The following FOXN2 variants were observed in gnomAD, a reference collection of about 807,000 sequenced individuals.
FOXN2 encodes forkhead box N2.
Under a neutral mutation model 41.2 loss-of-function variants are expected in FOXN2, and 19 were observed. The observed-to-expected ratio is 0.46, with a 90% CI of 0.32 to 0.68. FOXN2 has a LOEUF of 0.68. Among genes scored for constraint, FOXN2 ranks in the 30% least tolerant of loss-of-function variants. The probability of loss-of-function intolerance (pLI) is 0.03; values close to 1 mark genes in which losing one functional copy is unlikely to be tolerated. For synonymous variants in FOXN2, 195 were observed against 176.8 expected (o/e 1.10, Z -0.82); for missense variants, 587 against 509.4 (o/e 1.15, Z -1.47).
At position 48,346,284 on chromosome 2, in the gene FOXN2, T is replaced by A; in HGVS notation, c.70T>A (p.Leu24Ile). 6.2e-7 allele frequency: 1 copy of A among 1,614,182 alleles called. No individual in the cohort carries two copies. Among genetic ancestry groups the A allele is most frequent in the Non-Finnish European group, 8.5e-7 (1 of 1,180,024 alleles). ...CCCAGGAGCTGAAAAGATTGCAGGA[T>A]TAAGCCAGATTTACAAAATGGGAAG... is the stretch of plus-strand genomic sequence containing the variant. ...ETPGAEKIAG[L>I]SQIYKMGSLP... Residue 24 changes from leucine to isoleucine, a missense_variant, in exon 3 of 7, where the codon TTA becomes ATA. Coordinates refer to ENST00000340553, the MANE Select transcript of FOXN2 (RefSeq NM_002158.4).
chr2:48,334,793 A>G (rs75233442), intron 2 of FOXN2, among the ~76,000 whole-genome samples: 1 of 152,256 alleles, frequency 6.6e-6, no homozygotes, highest in South Asian at 2.1e-4. Flanking sequence ...TTGGAGCCCC[A>G]TTGTACTGTA....
upstream of FOXN2, among the ~76,000 whole-genome samples, chr2:48,314,350 T>C (rs988860614): frequency 1.3e-5 from 2 of 152,210 alleles, no homozygotes; most frequent in African/African-American, 4.8e-5. Context: ...ATTTTCCCGC[T>C]TTCCCCTGCC....
chr2:48,337,692 G>A (rs886542146), intron 2 of FOXN2, among the ~76,000 whole-genome samples: 2 of 151,904 alleles, frequency 1.3e-5, no homozygotes, highest in Non-Finnish European at 2.9e-5. Flanking sequence ...TAATATTAAT[G>A]GAAAGAAAGC....
At chr2:48,355,587 G>C (rs1288039394) in intron 3 of FOXN2, among the ~76,000 whole-genome samples, 1 of 151,872 alleles carries the variant, frequency 6.6e-6, no homozygotes, top group Non-Finnish European at 1.5e-5. Context: ...ATGTTTCTTG[G>C]GTCAGTGACA....
chr2:48,341,486 G>T (rs1394105191), intron 2 of FOXN2, among the ~76,000 whole-genome samples: 5 of 152,048 alleles, frequency 3.3e-5, no homozygotes, highest in Non-Finnish European at 5.9e-5. Flanking sequence ...ATCTTAATGA[G>T]AATACTAGAA....
chr2:48,370,417 C>A (rs115424146), intron 5 of FOXN2, among the ~76,000 whole-genome samples: 2,913 of 152,256 alleles, frequency 0.019, 40 homozygotes, highest in Non-Finnish European at 0.031. Context: ...TTCTTTCTGC[C>A]CAGTACTCTT....
At chr2:48,344,844 C>CA (rs1399522795) in intron 2 of FOXN2, among the ~76,000 whole-genome samples, 3 of 118,600 alleles carry the variant, frequency 2.5e-5, no homozygotes, top group Non-Finnish European at 6.1e-5. Context: ...GGAGGTACCC[C>CA]CCCCCCCCAA....
chr2:48,368,481 A>T (rs1029279007), intron 5 of FOXN2, among the ~76,000 whole-genome samples: 1 of 152,058 alleles, frequency 6.6e-6, no homozygotes, highest in African/African-American at 2.4e-5. Context: ...CCTGGGCAAC[A>T]TGGTGAAACC....
intron 5 of FOXN2, 47 bp from the exon 6 acceptor site, chr2:48,373,245 C>T (rs1267693078): frequency 7.5e-7 from 1 of 1,331,528 alleles, no homozygotes; most frequent in East Asian, 2.4e-5. Flanking sequence ...TTAGAATAGC[C>T]TCTCCTTTAT....
chr2:48,368,722 T>G (rs528823406), intron 5 of FOXN2, among the ~76,000 whole-genome samples: 3 of 152,152 alleles, frequency 2.0e-5, no homozygotes, highest in Non-Finnish European at 4.4e-5. Context: ...GAAAATAGAT[T>G]GGGTACTATA....
chr2:48,332,544 TTGGTCG>T (rs1005374764), intron 2 of FOXN2, among the ~76,000 whole-genome samples: 1 of 152,180 alleles, frequency 6.6e-6, no homozygotes, highest in Non-Finnish European at 1.5e-5. Flanking sequence ...GTGGATGTCA[TTGGTCG>T]TGAGGGAGAT....
chr2:48,332,304 T>G (rs190082963), intron 2 of FOXN2, among the ~76,000 whole-genome samples: 12 of 152,226 alleles, frequency 7.9e-5, no homozygotes, highest in Non-Finnish European at 1.5e-4. Flanking sequence ...AATTTAGACC[T>G]TTCTTGGCCA....
At chr2:48,346,834 G>T in intron 3 of FOXN2, 83 bp downstream of exon 3, 1 of 1,159,982 alleles carries the variant, frequency 8.6e-7, no homozygotes, top group Non-Finnish European at 1.2e-6. Context: ...GGAAATCGGG[G>T]AGACAATAAG....
chr2:48,373,678 G>A (rs979459343), intron 6 of FOXN2, among the ~76,000 whole-genome samples: 3 of 152,038 alleles, frequency 2.0e-5, no homozygotes, highest in African/African-American at 7.2e-5. Flanking sequence ...TTATGAACTT[G>A]GACTAGGAAA....
intron 3 of FOXN2, among the ~76,000 whole-genome samples, chr2:48,354,032 G>A (rs1484374082): frequency 6.6e-6 from 1 of 152,054 alleles, no homozygotes; most frequent in Non-Finnish European, 1.5e-5. Context: ...TTATACTTAT[G>A]ATGGTACATA....
At position 48,378,579 on chromosome 2, in the gene FOXN2, T is replaced by C. The variant is rs1673386427; in HGVS notation, c.*3136T>C. On this transcript the variant is annotated 3_prime_UTR_variant, in exon 7 of 7. Transcript: ENST00000340553. ...ATACTTCACAAAGCTGTAAAGACCA[T>C]TGTCTTAAATACTACAACAACTTAA... 1 of 152,344 alleles carries C rather than the reference T, an allele frequency of 6.6e-6. No homozygotes were observed. Among genetic ancestry groups the C allele is most frequent in the Non-Finnish European group, 1.5e-5 (1 of 67,910 alleles). 9.4% of individuals were successfully genotyped at this position (152,344 alleles called of 1,614,324 possible).
At chr2:48,355,913 A>T (rs1003771776) in intron 3 of FOXN2, among the ~76,000 whole-genome samples, 2 of 152,160 alleles carry the variant, frequency 1.3e-5, no homozygotes, top group Admixed American at 1.3e-4. Flanking sequence ...TTAAAATTAT[A>T]TATGGTTGTC....
intron 2 of FOXN2, among the ~76,000 whole-genome samples, chr2:48,342,215 T>A (rs1310237836): frequency 6.6e-6 from 1 of 152,160 alleles, no homozygotes; most frequent in African/African-American, 2.4e-5. Context: ...ATAAGCTTTT[T>A]AATTTATTCA....
At chr2:48,335,996 C>G (rs1280052402) in intron 2 of FOXN2, among the ~76,000 whole-genome samples, 1 of 151,098 alleles carries the variant, frequency 6.6e-6, no homozygotes. Context: ...CCACCGCACT[C>G]CAGCCTGGGC....
Sources: gnomAD v4.1 joint callset for allele counts (sites outside exome capture counted in the v4.1 genomes callset) on GRCh38, gnomAD v4.1.1 for gene constraint, MANE v1.5 for transcripts, NCBI Gene and HGNC (gene_info 2026-07-23, HGNC 2026-07-21) for gene names.